Variants in TANC2 observed in about 807,000 individuals in gnomAD.
TANC2 encodes tetratricopeptide repeat, ankyrin repeat and coiled-coil containing 2, also known as protein TANC2.
TANC2 carries 26 observed loss-of-function variants against 210.5 expected under a neutral mutation model. The observed-to-expected ratio is 0.12, with a 90% CI of 0.09 to 0.17. The LOEUF (loss-of-function observed/expected upper bound fraction) is 0.17, where lower values mean the gene tolerates loss of function less well. Ranked by LOEUF, TANC2 falls within the 10% of genes least tolerant of loss-of-function variation. TANC2 has a pLI of 1.00. For synonymous variants in TANC2, 931 were observed against 967.1 expected, an observed-to-expected ratio of 0.96 and a Z score of 0.69; for missense variants, 2,129 against 2,608.9, an observed-to-expected ratio of 0.82 and a Z score of 4.01.
At chr17:63,261,212 C>G (rs2043346347) in intron 8 of TANC2, among the ~76,000 whole-genome samples, 1 of 151,628 alleles carries the variant, frequency 6.6e-6, no homozygotes, top group African/African-American at 2.4e-5. Flanking sequence ...CCACTGTACT[C>G]CAGCCTGGGT....
At chr17:63,302,913 G>A (rs1048156071) in intron 9 of TANC2, among the ~76,000 whole-genome samples, 3 of 151,886 alleles carry the variant, frequency 2.0e-5, no homozygotes, top group African/African-American at 7.2e-5. Context: ...ACAGGCATGC[G>A]CCACCATGCC....
At chr17:63,072,301 G>T (rs1179631958) in intron 2 of TANC2, among the ~76,000 whole-genome samples, 2 of 152,046 alleles carry the variant, frequency 1.3e-5, no homozygotes, top group Admixed American at 6.6e-5. Context: ...AAGAAGGATT[G>T]TAAATGTTCA....
intron 7 of TANC2, among the ~76,000 whole-genome samples, chr17:63,211,514 C>T (rs1160391160): frequency 6.6e-6 from 1 of 151,916 alleles, no homozygotes; most frequent in African/African-American, 2.4e-5. Flanking sequence ...AATCTTTTAT[C>T]GTAAATCCAG....
chr17:63,314,136 C>T (rs1284932864), intron 9 of TANC2, among the ~76,000 whole-genome samples: 2 of 152,212 alleles, frequency 1.3e-5, no homozygotes, highest in East Asian at 1.9e-4. Context: ...TCCCGACTTT[C>T]GGACTGATCA....
chr17:63,163,627 AAATATTTAATATTTGTTT>A lies in TANC2; in HGVS notation c.433+12265_433+12282del, dbSNP rs541903641. Among the ~76,000 whole-genome samples the A allele has an allele frequency of 1.3e-3, 191 of 152,314 alleles. 1 individual carries two copies. Among genetic ancestry groups the A allele is most frequent in the African/African-American group, 4.0e-3 (166 of 41,562 alleles). The stretch of plus-strand genomic sequence containing the variant: ...TCTGATATTTTCCTTCTTTGAAAGG[AAATATTTAATATTTGTTT>A]AATATTTAATATTTGTTGACGACTA... On this transcript the variant is annotated intron_variant, in intron 5 of 27. Transcript: ENST00000689528.
At chr17:63,065,527 C>T (rs945093921) in intron 2 of TANC2, among the ~76,000 whole-genome samples, 1 of 152,160 alleles carries the variant, frequency 6.6e-6, no homozygotes, top group African/African-American at 2.4e-5. Flanking sequence ...TATATTACTA[C>T]CAACAGTGTA....
chr17:63,349,173 A>G (rs1034785889), intron 12 of TANC2, among the ~76,000 whole-genome samples: 6 of 152,142 alleles, frequency 3.9e-5, no homozygotes, highest in African/African-American at 1.4e-4. Context: ...ATTAAGGGGG[A>G]AGGCAAGTAC....
At chr17:63,220,830 GT>G (rs911122415) in intron 7 of TANC2, among the ~76,000 whole-genome samples, 2 of 147,486 alleles carry the variant, frequency 1.4e-5, no homozygotes, top group Admixed American at 6.8e-5. Context: ...ACGTGTATAT[GT>G]ATATATGTGT....
At chr17:63,178,332 C>CAAA (rs201264145) in intron 5 of TANC2, among the ~76,000 whole-genome samples, 1 of 150,592 alleles carries the variant, frequency 6.6e-6, no homozygotes, top group African/African-American at 2.4e-5. Flanking sequence ...GACTCTGTCT[C>CAAA]AAAAAAAAAC....
chr17:62,983,616 CT>C (rs1312380867), intron 1 of TANC2, among the ~76,000 whole-genome samples: 2 of 151,976 alleles, frequency 1.3e-5, no homozygotes, highest in Non-Finnish European at 2.9e-5. Context: ...CATATATGGC[CT>C]TTACTGTGTC....
chr17:63,313,085 G>C (rs1039684860), intron 9 of TANC2, among the ~76,000 whole-genome samples: 2 of 152,142 alleles, frequency 1.3e-5, no homozygotes, highest in African/African-American at 2.4e-5. Context: ...GTATGTTCTA[G>C]AGTAACGTAT....
intron 8 of TANC2, among the ~76,000 whole-genome samples, chr17:63,261,021 CA>C: frequency 6.6e-6 from 1 of 152,092 alleles, no homozygotes; most frequent in Non-Finnish European, 1.5e-5. Context: ...CATTTGAGGC[CA>C]GGGGTTCAAG....
intron 11 of TANC2, among the ~76,000 whole-genome samples, chr17:63,328,736 G>A (rs1208522791): frequency 6.6e-6 from 1 of 151,650 alleles, no homozygotes; most frequent in Non-Finnish European, 1.5e-5. Context: ...TTTAAGATCT[G>A]TTACAAAGCA....
At chr17:63,018,887 G>C in intron 2 of TANC2, among the ~76,000 whole-genome samples, 1 of 152,070 alleles carries the variant, frequency 6.6e-6, no homozygotes. Flanking sequence ...ATCAATATTT[G>C]TTGCTTGTTA....
At chr17:63,268,977 G>A (rs894355172) in intron 9 of TANC2, among the ~76,000 whole-genome samples, 3 of 151,910 alleles carry the variant, frequency 2.0e-5, no homozygotes, top group East Asian at 1.9e-4. Flanking sequence ...TTTATCTTAC[G>A]GATGATTTTC....
At chr17:63,181,187 C>T (rs892773537) in intron 5 of TANC2, among the ~76,000 whole-genome samples, 1 of 152,066 alleles carries the variant, frequency 6.6e-6, no homozygotes, top group African/African-American at 2.4e-5. Context: ...AATAAAGATA[C>T]TCTTTATATA....
chr17:63,153,924 C>T (rs2039748108), intron 5 of TANC2: 1 of 152,102 alleles, frequency 6.6e-6, no homozygotes. Flanking sequence ...CAAACCAAAC[C>T]AATTCACTGA....
chr17:63,026,970 G>A (rs1169597164), intron 2 of TANC2, among the ~76,000 whole-genome samples: 1 of 152,110 alleles, frequency 6.6e-6, no homozygotes, highest in Non-Finnish European at 1.5e-5. Flanking sequence ...AGCTATGTAA[G>A]GCTTATGCAG....
chr17:63,059,045 A>T (rs1382308139), intron 2 of TANC2, among the ~76,000 whole-genome samples: 1 of 152,128 alleles, frequency 6.6e-6, no homozygotes, highest in Admixed American at 6.5e-5. Flanking sequence ...AGCCATTTTA[A>T]TGATATTGAT....
Sources: gnomAD v4.1 joint callset for allele counts (sites outside exome capture counted in the v4.1 genomes callset) on GRCh38, gnomAD v4.1.1 for gene constraint, MANE v1.5 for transcripts, NCBI Gene and HGNC (gene_info 2026-07-23, HGNC 2026-07-21) for gene names.